Variants in RELCH observed in about 807,000 individuals in gnomAD.
RELCH encodes the protein RAB11 binding and LisH domain, coiled-coil and HEAT repeat containing, also known as RAB11-binding protein RELCH.
RELCH carries 41 observed loss-of-function variants against 150.3 expected under a neutral mutation model. That is an observed-to-expected ratio of 0.27 (90% CI 0.21 to 0.35). RELCH has a LOEUF of 0.35. Ranked by LOEUF, RELCH falls within the 10% of genes least tolerant of loss-of-function variation. The pLI is 1.00. For missense variants in RELCH, 1,092 were observed against 1,467.8 expected, an observed-to-expected ratio of 0.74 and a Z score of 4.18; for synonymous variants, 478 against 531.8, an observed-to-expected ratio of 0.90 and a Z score of 1.39.
At chr18:62,301,332 C>G (rs948319874) in intron 28 of RELCH, among the ~76,000 whole-genome samples, 4 of 152,138 alleles carry the variant, frequency 2.6e-5, no homozygotes, top group Admixed American at 2.6e-4. Flanking sequence ...TGTTATAGGC[C>G]AGGTGGTGGC....
chr18:62,252,529 T>C, intron 11 of RELCH, 135 bp from the exon 12 acceptor site: 1 of 672,978 alleles, frequency 1.5e-6, no homozygotes, highest in South Asian at 1.9e-5. Flanking sequence ...AAAAAATAAA[T>C]AAATAAAAAG....
intron 20 of RELCH, among the ~76,000 whole-genome samples, chr18:62,271,281 A>G (rs530736587): frequency 5.9e-5 from 9 of 152,244 alleles, no homozygotes; most frequent in African/African-American, 1.7e-4. Context: ...AATGATTGCC[A>G]TTCTAACTGG....
intron 13 of RELCH, among the ~76,000 whole-genome samples, 173 bp from the exon 14 acceptor site, chr18:62,257,775 A>C (rs79682519): frequency 6.7e-6 from 1 of 148,378 alleles, no homozygotes; most frequent in Non-Finnish European, 1.5e-5. Flanking sequence ...TTATGTCTTC[A>C]AAAAAAAAAG....
At chr18:62,249,019 G>A (rs539712618) in intron 11 of RELCH, among the ~76,000 whole-genome samples, 3 of 152,256 alleles carry the variant, frequency 2.0e-5, no homozygotes, top group African/African-American at 7.2e-5. Flanking sequence ...GCACCAATTG[G>A]ATAAAATAAA....
At position 62,227,619 on chromosome 18, in the gene RELCH, T is replaced by C. The variant is rs776136069; in HGVS notation, c.1084T>C (p.Leu362=). The change falls in exon 7 of 29, where the codon TTA becomes CTA. Residue 362 remains leucine, a synonymous_variant. Coordinates refer to ENST00000644646, the MANE Select transcript of RELCH (RefSeq NM_001346231.2). The part of the protein sequence containing the change: ...PAENSMLVQK[L]EDKISLLNSE... ...TTAGAACTCCATGTTAGTACAGAAA[T>C]TAGAAGATAAAATTAGTTTGTTAAA... is the stretch of plus-strand genomic sequence containing the variant. The C allele has an allele frequency of 1.3e-6, 2 of 1,560,872 alleles. No individual in the cohort carries two copies. The highest frequency in any genetic ancestry group is 4.5e-5 in the East Asian group (2 of 44,558).
At chr18:62,204,210 G>A (rs985906877) in intron 1 of RELCH, among the ~76,000 whole-genome samples, 6 of 151,892 alleles carry the variant, frequency 4.0e-5, no homozygotes, top group Admixed American at 1.3e-4. Context: ...TTAATAATTC[G>A]AAGGAATAAT....
At chr18:62,209,157 C>A (rs1317694214) in intron 1 of RELCH, among the ~76,000 whole-genome samples, 1 of 152,214 alleles carries the variant, frequency 6.6e-6, no homozygotes, top group African/African-American at 2.4e-5. Context: ...ATGTGGACAT[C>A]TGTGAGGAGC....
intron 28 of RELCH, chr18:62,300,410 C>T (rs2045613314): frequency 6.6e-6 from 1 of 152,174 alleles, no homozygotes; most frequent in African/African-American, 2.4e-5. Flanking sequence ...CTTGACCCCA[C>T]CCTTCCTCTG....
At chr18:62,237,564 A>T (rs981175192) in intron 10 of RELCH, among the ~76,000 whole-genome samples, 1 of 151,854 alleles carries the variant, frequency 6.6e-6, no homozygotes, top group African/African-American at 2.4e-5. Context: ...ATATCATGAT[A>T]TAAAGAACTT....
intron 14 of RELCH, 95 bp downstream of exon 14, chr18:62,258,183 A>T: frequency 8.6e-7 from 1 of 1,168,892 alleles, no homozygotes; most frequent in Non-Finnish European, 1.2e-6. Flanking sequence ...ATAATGTATC[A>T]TAAGGATGGC....
Position 62,244,818 on chromosome 18 carries a change from C to G in RELCH, c.1675C>G (p.Arg559Gly), listed in dbSNP as rs368797409. 6.2e-7 allele frequency: 1 copy of G among 1,613,296 alleles called. No individual in the cohort carries two copies. Among genetic ancestry groups the G allele is most frequent in the Non-Finnish European group, 8.5e-7 (1 of 1,179,536 alleles). ...TACLHPEPKE[R>G]DQLLHILFNL... is the part of the protein sequence containing the mutation. ...ATGTCTACATCCTGAGCCTAAAGAG[C>G]GAGATCAGCTTCTCCACATACTTTT... Residue 559 changes from arginine to glycine, a missense_variant, in exon 11 of 29, where the codon CGA (arginine) becomes GGA (glycine). Physicochemically the swap from Arg to Gly is moderately radical, Grantham distance 125. Coordinates refer to ENST00000644646, the MANE Select transcript of RELCH (RefSeq NM_001346231.2).
Position 62,187,519 on chromosome 18 carries a change from C to T in RELCH, c.14C>T (p.Ala5Val). ...TGACAGGATAAGATGGCGGCGATGG[C>T]GCCTGGAGGTAGTGGCAGTGGTGGC... The part of the protein sequence containing the change: MAAM[A>V]PGGSGSGGGV... The change falls in exon 1 of 29, where the codon GCG becomes GTG. Residue 5 changes from alanine to valine, a missense_variant. Physicochemically the swap from Ala to Val is moderately conservative, Grantham distance 64 (BLOSUM62 0). Transcript: ENST00000644646. 3 of 1,514,530 alleles carry T rather than the reference C, an allele frequency of 2.0e-6. No homozygotes were observed. The highest frequency in any genetic ancestry group is 2.7e-6 in the Non-Finnish European group (3 of 1,131,894). 93.8% of individuals were successfully genotyped at this position (1,514,530 alleles called of 1,614,324 possible).
intron 19 of RELCH, among the ~76,000 whole-genome samples, chr18:62,267,430 A>ATGTGTGTG (rs1422096685): frequency 1.6e-5 from 2 of 127,596 alleles, no homozygotes; most frequent in Non-Finnish European, 1.8e-5. Context: ...CTAGGTATAT[A>ATGTGTGTG]TGTATGTGTG....
intron 15 of RELCH, among the ~76,000 whole-genome samples, chr18:62,260,365 A>G (rs1304396698): frequency 2.1e-5 from 3 of 143,770 alleles, no homozygotes; most frequent in Non-Finnish European, 4.7e-5. Flanking sequence ...AATGACTATT[A>G]TTAAAAAGAC....
Position 62,211,155 on chromosome 18 carries a change from C to A in RELCH, c.529C>A (p.Arg177=), listed in dbSNP as rs779804829. ...TTTTATATTTCTCTTTATTATAGAT[C>A]GAGCTGGGAGCATTAGTACCCTTGA... The part of the protein sequence containing the change: ...STASGGGQLN[R]AGSISTLDSL... Residue 177 remains arginine (R), a splice_region_variant and synonymous_variant, in exon 2 of 29, where the codon CGA becomes AGA. Transcript: ENST00000644646. 3 of 1,556,412 alleles carry A rather than the reference C, an allele frequency of 1.9e-6. No homozygotes were observed. The highest frequency in any genetic ancestry group is 1.2e-5 in the South Asian group (1 of 86,942).
At chr18:62,303,144 G>A (rs1234358912) in intron 28 of RELCH, among the ~76,000 whole-genome samples, 1 of 151,528 alleles carries the variant, frequency 6.6e-6, no homozygotes. Flanking sequence ...GGGTGGGGGC[G>A]GAATTGCTGT....
At chr18:62,191,393 T>G (rs1296096180) in intron 1 of RELCH, among the ~76,000 whole-genome samples, 2 of 152,222 alleles carry the variant, frequency 1.3e-5, no homozygotes, top group Admixed American at 1.3e-4. Flanking sequence ...AGTATATTTT[T>G]TATGAAATGC....
chr18:62,188,091 T>A (rs954423784), intron 1 of RELCH, 60 bp downstream of exon 1: 8 of 1,457,712 alleles, frequency 5.5e-6, no homozygotes, highest in African/African-American at 1.4e-5. Context: ...GGAGTTACTG[T>A]AGGGGAGAGG....
intron 26 of RELCH, among the ~76,000 whole-genome samples, chr18:62,290,573 T>G (rs569372002): frequency 6.6e-6 from 1 of 152,248 alleles, no homozygotes; most frequent in East Asian, 1.9e-4. Flanking sequence ...TACTGGCTTT[T>G]TTGTGGTGTG....
Sources: allele counts gnomAD v4.1 joint callset (sites outside exome capture counted in the v4.1 genomes callset), GRCh38; gene constraint gnomAD v4.1.1; transcripts MANE v1.5; gene names NCBI Gene and HGNC (gene_info 2026-07-23, HGNC 2026-07-21).